CDK14: variants seen among roughly 807,000 people sequenced by gnomAD.
CDK14 encodes the protein cyclin dependent kinase 14, also known as cyclin-dependent kinase 14.
Under a neutral mutation model 60.7 loss-of-function variants are expected in CDK14, and 34 were observed. The observed-to-expected ratio is 0.56, with a 90% confidence interval of 0.43 to 0.75. The LOEUF (loss-of-function observed/expected upper bound fraction) is 0.75. CDK14 is among the 30% of genes least tolerant of loss of function. The probability of loss-of-function intolerance (pLI) is 0.00; values close to 1 mark genes in which losing one functional copy is unlikely to be tolerated. For synonymous variants in CDK14, 197 were observed against 203.7 expected (o/e 0.97, Z 0.28); for missense variants, 482 against 564.1 (o/e 0.85, Z 1.47).
intron 3 of CDK14, among the ~76,000 whole-genome samples, chr7:90,736,620 A>G (rs1350187446): frequency 6.6e-6 from 1 of 151,830 alleles, no homozygotes; most frequent in Non-Finnish European, 1.5e-5. Flanking sequence ...GGTCACCATG[A>G]TTTATGTCAT....
chr7:90,985,434 T>C (rs1795346236), intron 10 of CDK14, among the ~76,000 whole-genome samples: 1 of 152,194 alleles, frequency 6.6e-6, no homozygotes, highest in Admixed American at 6.5e-5. Flanking sequence ...ACTTTACATA[T>C]ATACAAATCG....
At chr7:91,195,766 G>A (rs1436183521) in intron 14 of CDK14, among the ~76,000 whole-genome samples, 1 of 152,116 alleles carries the variant, frequency 6.6e-6, no homozygotes, top group African/African-American at 2.4e-5. Context: ...CTGTATGACT[G>A]CCCTTGGGTT....
At chr7:90,624,387 T>G (rs1799834300) in intron 2 of CDK14, among the ~76,000 whole-genome samples, 1 of 152,268 alleles carries the variant, frequency 6.6e-6, no homozygotes, top group African/African-American at 2.4e-5. Context: ...CACTTTCTAA[T>G]TTTCTATTCA....
At chr7:90,977,204 A>G (rs1795098139) in intron 9 of CDK14, among the ~76,000 whole-genome samples, 2 of 152,020 alleles carry the variant, frequency 1.3e-5, no homozygotes, top group African/African-American at 4.8e-5. Flanking sequence ...TTTTCCCTTG[A>G]GTGTTCTTGG....
intron 5 of CDK14, among the ~76,000 whole-genome samples, chr7:90,854,666 T>G (rs532043144): frequency 6.6e-6 from 1 of 152,032 alleles, no homozygotes; most frequent in Non-Finnish European, 1.5e-5. Context: ...TTTTTTTTTT[T>G]CAATCACATA....
chr7:90,636,200 C>T (rs920936528), intron 2 of CDK14, among the ~76,000 whole-genome samples: 24 of 151,946 alleles, frequency 1.6e-4, no homozygotes, highest in Non-Finnish European at 1.6e-4. Context: ...AGAGGGCATC[C>T]CTGTCTTGTG....
intron 8 of CDK14, 27 bp from the exon 9 acceptor site, chr7:90,955,670 C>T: frequency 1.2e-6 from 2 of 1,611,100 alleles, no homozygotes; most frequent in Non-Finnish European, 8.5e-7. Context: ...GCCTGTTAAA[C>T]TTCTTTATGT....
Position 90,897,368 on chromosome 7 carries a change from C to T in CDK14, c.640-1923C>T, listed in dbSNP as rs914694756. ...ACTGAGATTTTACATTTTTAATAAGCGTTTCAACACATCATGGACATGTGA... is the reference window on the plus strand; with the variant it reads ...ACTGAGATTTTACATTTTTAATAAGTGTTTCAACACATCATGGACATGTGA... On this transcript the variant is annotated intron_variant, in intron 6 of 14. Transcript: ENST00000380050. 3.3e-5 allele frequency among the ~76,000 whole-genome samples: 5 copies of T among 152,024 alleles called. 1 individual carries two copies. The South Asian group carries it at 1.0e-3, about 32-fold the overall frequency.
intron 2 of CDK14, among the ~76,000 whole-genome samples, chr7:90,704,963 TA>T: frequency 6.6e-6 from 1 of 152,160 alleles, no homozygotes; most frequent in Non-Finnish European, 1.5e-5. Context: ...AATGAACATT[TA>T]AAAATCAATA....
chr7:90,906,966 G>T (rs184159756), intron 7 of CDK14, among the ~76,000 whole-genome samples: 101 of 152,142 alleles, frequency 6.6e-4, no homozygotes, highest in Non-Finnish European at 1.1e-3. Context: ...CTTACAAAAT[G>T]TGTCTATTAT....
intron 12 of CDK14, among the ~76,000 whole-genome samples, chr7:91,081,371 C>T (rs979202374): frequency 3.9e-5 from 6 of 152,164 alleles, no homozygotes; most frequent in African/African-American, 1.4e-4. Context: ...ATTTGCTTGT[C>T]TATAGCACAA....
intron 2 of CDK14, among the ~76,000 whole-genome samples, chr7:90,612,467 C>T (rs1018266646): frequency 6.6e-6 from 1 of 152,096 alleles, no homozygotes; most frequent in South Asian, 2.1e-4. Flanking sequence ...CAATCTCACT[C>T]TCTCTTATAG....
chr7:90,943,404 T>C (rs1177864376), intron 8 of CDK14, among the ~76,000 whole-genome samples: 2 of 152,204 alleles, frequency 1.3e-5, no homozygotes, highest in African/African-American at 4.8e-5. Flanking sequence ...CCAAGTGAGC[T>C]GAATAGAGAT....
intron 3 of CDK14, among the ~76,000 whole-genome samples, chr7:90,734,638 G>A (rs1344337558): frequency 6.8e-6 from 1 of 147,920 alleles, no homozygotes; most frequent in African/African-American, 2.5e-5. Context: ...CAAAGTTCTT[G>A]TGCTATGTTT....
chr7:91,114,817 A>G (rs1799560603), intron 13 of CDK14, among the ~76,000 whole-genome samples: 1 of 152,206 alleles, frequency 6.6e-6, no homozygotes, highest in African/African-American at 2.4e-5. Context: ...AGTCATTTCC[A>G]TTTAGAACAA....
At chr7:90,894,050 T>C (rs1732845824) in intron 6 of CDK14, among the ~76,000 whole-genome samples, 2 of 152,142 alleles carry the variant, frequency 1.3e-5, no homozygotes, top group South Asian at 4.1e-4. Flanking sequence ...TATTTCAATC[T>C]CTTCCAACAA....
At chr7:91,038,227 T>G (rs1796987330) in intron 10 of CDK14, among the ~76,000 whole-genome samples, 1 of 152,272 alleles carries the variant, frequency 6.6e-6, no homozygotes, top group Admixed American at 6.5e-5. Context: ...TTAAAAAGGT[T>G]AGTTTAACAT....
chr7:90,950,170 G>A (rs1209029862), intron 8 of CDK14, among the ~76,000 whole-genome samples: 1 of 152,164 alleles, frequency 6.6e-6, no homozygotes, highest in Non-Finnish European at 1.5e-5. Flanking sequence ...TCCGCCTCCT[G>A]GGTTCAAGTG....
intron 2 of CDK14, among the ~76,000 whole-genome samples, chr7:90,616,220 G>A (rs1799646511): frequency 2.6e-5 from 4 of 152,058 alleles, no homozygotes; most frequent in Admixed American, 2.6e-4. Context: ...AAATGGATAA[G>A]TAAGCATTAT....
Sources: allele counts gnomAD v4.1 joint callset (sites outside exome capture counted in the v4.1 genomes callset), GRCh38; gene constraint gnomAD v4.1.1; transcripts MANE v1.5; gene names NCBI Gene and HGNC (gene_info 2026-07-23, HGNC 2026-07-21).